Variants in CSNK1A1 observed in about 807,000 individuals in gnomAD.
CSNK1A1 encodes the protein casein kinase 1 alpha 1, also known as casein kinase I isoform alpha.
CSNK1A1 carries 7 observed loss-of-function variants against 46.1 expected under a neutral mutation model. The ratio of observed to expected loss-of-function variants is 0.15; its 90% CI spans 0.09 to 0.29. The LOEUF is 0.29. CSNK1A1 is among the 10% of genes least tolerant of loss of function. The pLI is 1.00. For synonymous variants in CSNK1A1, 137 were observed against 141.5 expected, an observed-to-expected ratio of 0.97 and a Z score of 0.23; for missense variants, 96 against 417.1, an observed-to-expected ratio of 0.23 and a Z score of 6.71.
At chr5:149,512,123 C>G (rs188816772) in intron 5 of CSNK1A1, among the ~76,000 whole-genome samples, 27 of 151,774 alleles carry the variant, frequency 1.8e-4, no homozygotes, top group African/African-American at 6.5e-4. Context: ...AGAACAGAAA[C>G]GATTTGGCTA....
chr5:149,506,044 G>A (rs201677650), intron 8 of CSNK1A1, among the ~76,000 whole-genome samples: 1 of 151,078 alleles, frequency 6.6e-6, no homozygotes, highest in East Asian at 1.9e-4. Context: ...CTCCTGCCTC[G>A]GCCTCCTGAG....
chr5:149,543,168 G>C (rs1447815459), intron 2 of CSNK1A1, among the ~76,000 whole-genome samples: 1 of 152,152 alleles, frequency 6.6e-6, no homozygotes, highest in Non-Finnish European at 1.5e-5. Flanking sequence ...AGAAGTACAG[G>C]ATGGCTCTCC....
chr5:149,502,520 TGGG>T, intron 9 of CSNK1A1: 1 of 21,458 alleles, frequency 4.7e-5, no homozygotes, highest in Non-Finnish European at 6.6e-5. Context: ...TTTTTTTTTT[TGGG>T]GGGGGGGGGG....
chr5:149,501,554 T>G (rs1438091271), intron 9 of CSNK1A1: 2 of 984,872 alleles, frequency 2.0e-6, no homozygotes, highest in African/African-American at 1.7e-5. Flanking sequence ...AAATAATATT[T>G]GTAATCCCCT....
At chr5:149,515,466 A>G (rs1761371877) in intron 4 of CSNK1A1, among the ~76,000 whole-genome samples, 1 of 152,218 alleles carries the variant, frequency 6.6e-6, no homozygotes. Context: ...ACAAATATGT[A>G]AACACGATCT....
In CSNK1A1 at chr5:149,517,340, G is replaced by A. The variant is rs1320776439; in HGVS notation, c.456+2950C>T. Among the ~76,000 whole-genome samples the A allele has an allele frequency of 5.3e-5, 8 of 152,252 alleles. No homozygotes were observed. In the South Asian group the frequency reaches 1.7e-3, roughly 32 times the overall value. On this transcript the variant is annotated intron_variant, in intron 4 of 9. Transcript: ENST00000377843. This position sits in a 1 kb window ranked among gnomAD's most constrained non-coding sequence, Gnocchi z 4.4. ...TCTGAAATCTGATCTACACTTACCT[G>A]AAGTTCCTTAGGGAAGGGGAAGAGA...
chr5:149,501,604 A>T (rs772285697), intron 9 of CSNK1A1: 5 of 985,268 alleles, frequency 5.1e-6, no homozygotes, highest in Non-Finnish European at 6.0e-6. Flanking sequence ...TATTATTATG[A>T]TAAAACTCTG....
chr5:149,499,339 G>A, intron 9 of CSNK1A1: 7 of 797,954 alleles, frequency 8.8e-6, no homozygotes, highest in Non-Finnish European at 1.1e-5. Flanking sequence ...AACAGAGTTG[G>A]AGGATGTGAT....
chr5:149,548,640 C>T (rs1762557185), intron 2 of CSNK1A1, among the ~76,000 whole-genome samples: 1 of 152,168 alleles, frequency 6.6e-6, no homozygotes, highest in Admixed American at 6.5e-5. Context: ...GCAGGCAGAT[C>T]ACCTGAGGTC....
chr5:149,507,188 A>C, intron 7 of CSNK1A1, 55 bp from the exon 8 acceptor site: 1 of 1,351,526 alleles, frequency 7.4e-7, no homozygotes, highest in Non-Finnish European at 1.0e-6. Flanking sequence ...AGATAGAAAA[A>C]TAAATGCATT....
Position 149,525,022 on chromosome 5 carries a change from A to G in CSNK1A1, c.357+23T>C. 6.3e-7 allele frequency: 1 copy of G among 1,596,976 alleles called. No individual in the cohort carries two copies. The highest frequency in any genetic ancestry group is 8.5e-7 in the Non-Finnish European group (1 of 1,171,826). On this transcript the variant is annotated intron_variant, in intron 3 of 9. Transcript: ENST00000377843. This position sits in a 1 kb window ranked among gnomAD's most constrained non-coding sequence, Gnocchi z 4.2. Reference sequence around the variant, plus strand: ...GTCAACAGTACTAGTCTCAGTTTATATTCTAATCAAAATTTCACATACCTG... The same window carrying G: ...GTCAACAGTACTAGTCTCAGTTTATGTTCTAATCAAAATTTCACATACCTG...
chr5:149,497,895 A>T (rs1760703965), intron 9 of CSNK1A1: 4 of 930,348 alleles, frequency 4.3e-6, no homozygotes, highest in Non-Finnish European at 5.1e-6. Flanking sequence ...GGGCAGTGGC[A>T]TGATCTTGGC....
intron 2 of CSNK1A1, chr5:149,545,438 ACTGAAGCTGGAG>A (rs1762448531): frequency 1.9e-6 from 1 of 530,502 alleles, no homozygotes; most frequent in South Asian, 2.5e-5. Context: ...CTGAGCTGGA[ACTGAAGCTGGAG>A]CTGCAGCCTG....
intron 9 of CSNK1A1, chr5:149,504,503 C>T: frequency 1.0e-6 from 1 of 985,382 alleles, no homozygotes. Context: ...AGAAAGTAAG[C>T]AGGTATCAGG....
intron 9 of CSNK1A1, among the ~76,000 whole-genome samples, chr5:149,500,554 G>T (rs931308895): frequency 2.0e-5 from 3 of 151,738 alleles, no homozygotes; most frequent in African/African-American, 7.3e-5. Context: ...TGGGATTACA[G>T]AAGCGAGCCA....
At chr5:149,535,608 C>CTA (rs1762037258) in intron 2 of CSNK1A1, among the ~76,000 whole-genome samples, 1 of 152,120 alleles carries the variant, frequency 6.6e-6, no homozygotes, top group African/African-American at 2.4e-5. Flanking sequence ...TCCTAATACA[C>CTA]TATTAAGAGA....
At chr5:149,507,454 T>C (rs900904038) in intron 7 of CSNK1A1, among the ~76,000 whole-genome samples, 2 of 152,008 alleles carry the variant, frequency 1.3e-5, no homozygotes, top group Non-Finnish European at 2.9e-5. Context: ...AAGTCGCGCC[T>C]CTTCGTGAAC....
In CSNK1A1 at chr5:149,513,120, A is replaced by G. The variant is rs373578212; in HGVS notation, c.546T>C (p.Thr182=). ...TGATGCTAGCATATCGGGCAGTGCC[A>G]GTGAGGTTTTTATCTTCTCTGTATG... is the stretch of plus-strand genomic sequence containing the variant. The part of the protein sequence containing the change: ...HIPYREDKNL[T]GTARYASINA... Residue 182 remains threonine (T), a synonymous_variant, in exon 5 of 10, where the codon ACT becomes ACC. Transcript: ENST00000377843. 1.3e-5 allele frequency: 21 copies of G among 1,614,130 alleles called. No homozygotes were observed. The highest frequency in any genetic ancestry group is 3.3e-4 in the Middle Eastern group (2 of 6,060).
Position 149,551,022 on chromosome 5 carries a change from G to T in CSNK1A1, c.-58C>A. On this transcript the variant is annotated 5_prime_UTR_variant, in exon 1 of 10. Transcript: ENST00000377843. ...CCCCGACACCTCTGGGAAGAGGACG[G>T]AGGCCTCGGGGCTCCTACACTAGGC... 6.2e-7 allele frequency: 1 copy of T among 1,602,470 alleles called. No homozygotes were observed. The highest frequency in any genetic ancestry group is 1.1e-5 in the South Asian group (1 of 90,870).
Sources: allele counts gnomAD v4.1 joint callset (sites outside exome capture counted in the v4.1 genomes callset), GRCh38; gene constraint gnomAD v4.1.1; non-coding constraint Gnocchi (gnomAD v3.1); transcripts MANE v1.5; gene names NCBI Gene and HGNC (gene_info 2026-07-23, HGNC 2026-07-21).